Variants in CSMD3 observed in about 807,000 individuals in gnomAD.
CSMD3 encodes CUB and Sushi multiple domains 3.
A neutral mutation model predicts 435.2 loss-of-function variants in CSMD3; 177 were observed. That is an observed-to-expected ratio of 0.41 (90% CI 0.36 to 0.46). The LOEUF is 0.46. Among genes scored for constraint, CSMD3 ranks in the 20% least tolerant of loss-of-function variants. The pLI is 0.34. For synonymous variants in CSMD3, 1,656 were observed against 1,520.5 expected (o/e 1.09, Z -2.07); for missense variants, 4,265 against 4,504.6 (o/e 0.95, Z 1.52).
chr8:112,286,154 T>C (rs1819177147), intron 58 of CSMD3, among the ~76,000 whole-genome samples: 1 of 152,174 alleles, frequency 6.6e-6, no homozygotes, highest in Non-Finnish European at 1.5e-5. Flanking sequence ...TTCTGTATGT[T>C]TCTATATTTT....
At chr8:112,822,772 T>C (rs527685245) in intron 12 of CSMD3, among the ~76,000 whole-genome samples, 5 of 152,162 alleles carry the variant, frequency 3.3e-5, no homozygotes, top group Non-Finnish European at 7.3e-5. Context: ...AGGCTGTTGG[T>C]TTGTCATAAA....
chr8:113,398,162 T>C (rs1015449980), intron 1 of CSMD3, among the ~76,000 whole-genome samples: 4 of 152,220 alleles, frequency 2.6e-5, no homozygotes, highest in East Asian at 1.9e-4. Flanking sequence ...TATTTTCTTG[T>C]AGTAATTTTA....
chr8:113,098,846 C>T lies in CSMD3; in HGVS notation c.827G>A (p.Gly276Glu), dbSNP rs759891256. The change falls in exon 5 of 71, where the codon GGG becomes GAG. Residue 276 changes from glycine to glutamate, a missense_variant. This residue lies in a region of CSMD3 where 731 missense variants were observed against 755.4 expected (regional missense o/e 0.97). Transcript: ENST00000297405. ...DCTWTIVAEP[G>E]DTISLIFTDF... is the part of the protein sequence containing the mutation. ...AGTAAATATGAGTGAAATTGTGTCCCCAGGCTCTGCTACAATGGTCCAAGT... is the reference window on the plus strand; with the variant it reads ...AGTAAATATGAGTGAAATTGTGTCCTCAGGCTCTGCTACAATGGTCCAAGT... The T allele has an allele frequency of 9.9e-6, 16 of 1,612,362 alleles. No individual in the cohort carries two copies. Among genetic ancestry groups the T allele is most frequent in the Middle Eastern group, 1.6e-4 (1 of 6,072 alleles).
intron 16 of CSMD3, among the ~76,000 whole-genome samples, chr8:112,675,594 G>A (rs575112474): frequency 1.7e-4 from 26 of 152,182 alleles, no homozygotes; most frequent in African/African-American, 5.8e-4. Context: ...AGACTCAGAG[G>A]AGAAATAATT....
intron 3 of CSMD3, among the ~76,000 whole-genome samples, chr8:113,278,008 G>T (rs141073794): frequency 6.6e-6 from 1 of 151,894 alleles, no homozygotes; most frequent in Non-Finnish European, 1.5e-5. Flanking sequence ...GATAAATAAA[G>T]ATCATAAATG....
At chr8:112,837,635 C>A (rs1004011093) in intron 11 of CSMD3, among the ~76,000 whole-genome samples, 1 of 151,720 alleles carries the variant, frequency 6.6e-6, no homozygotes, top group Non-Finnish European at 1.5e-5. Context: ...TGTCAATTAT[C>A]TTAAAATAGG....
At chr8:113,284,758 A>C (rs2093634252) in intron 2 of CSMD3, among the ~76,000 whole-genome samples, 1 of 152,104 alleles carries the variant, frequency 6.6e-6, no homozygotes, top group South Asian at 2.1e-4. Context: ...ACTGGTTTTG[A>C]TATTTGTAAA....
At chr8:112,727,234 T>C (rs1352273077) in intron 13 of CSMD3, among the ~76,000 whole-genome samples, 2 of 151,842 alleles carry the variant, frequency 1.3e-5, no homozygotes, top group African/African-American at 4.8e-5. Context: ...AGTTATAAAG[T>C]TCTCAACAAA....
At chr8:113,088,306 T>C (rs1304151161) in intron 5 of CSMD3, among the ~76,000 whole-genome samples, 1 of 151,362 alleles carries the variant, frequency 6.6e-6, no homozygotes, top group Non-Finnish European at 1.5e-5. Flanking sequence ...GTGTGGCAAT[T>C]CCTCAGGGAT....
At position 112,800,255 on chromosome 8, in the gene CSMD3, G is replaced by C. The variant is rs2132330251; in HGVS notation, c.1879C>G (p.Pro627Ala). The change falls in exon 13 of 71, where the codon CCA becomes GCA. Residue 627 changes from proline (P) to alanine (A), a missense_variant. Physicochemically the swap from Pro to Ala is conservative, Grantham distance 27. Around this residue, in one of 3 missense-constraint regions of CSMD3, gnomAD observed 279 missense variants for 369.0 expected, o/e 0.76. Coordinates refer to ENST00000297405, the MANE Select transcript of CSMD3 (RefSeq NM_198123.2). ...VLQVLTGSFV[P>A]DLIVSMSSQM... The stretch of plus-strand genomic sequence containing the variant: ...CTACTCATGCTCACTATCAAGTCTG[G>C]TACAAAGCTTCCAGTCAGCCTAAAA... 1 of 1,611,862 alleles carries C rather than the reference G, an allele frequency of 6.2e-7. No homozygotes were observed. The highest frequency in any genetic ancestry group is 2.2e-5 in the East Asian group (1 of 44,780).
chr8:112,758,369 A>C (rs2077755395), intron 13 of CSMD3, among the ~76,000 whole-genome samples: 1 of 152,064 alleles, frequency 6.6e-6, no homozygotes, highest in African/African-American at 2.4e-5. Context: ...AAAAATTTAA[A>C]AAAGGAAAAA....
chr8:112,736,857 G>T (rs2077196114), intron 13 of CSMD3, among the ~76,000 whole-genome samples: 1 of 151,816 alleles, frequency 6.6e-6, no homozygotes, highest in African/African-American at 2.4e-5. Context: ...AAAATCTCTG[G>T]ATCTATATCA....
intron 13 of CSMD3, among the ~76,000 whole-genome samples, chr8:112,731,286 T>C (rs2077069265): frequency 6.6e-6 from 1 of 152,142 alleles, no homozygotes; most frequent in Non-Finnish European, 1.5e-5. Context: ...CCACAAGTGA[T>C]AGTCATTTTT....
chr8:113,096,629 C>G (rs2131536853), intron 5 of CSMD3, among the ~76,000 whole-genome samples: 1 of 152,090 alleles, frequency 6.6e-6, no homozygotes, highest in East Asian at 1.9e-4. Flanking sequence ...CACATTTCAT[C>G]TAAAGTAAAA....
intron 1 of CSMD3, among the ~76,000 whole-genome samples, chr8:113,343,890 A>AT (rs1378274222): frequency 2.6e-5 from 4 of 152,124 alleles, no homozygotes; most frequent in Admixed American, 2.0e-4. Flanking sequence ...GACTAACGTT[A>AT]TAATCTATCT....
intron 36 of CSMD3, among the ~76,000 whole-genome samples, chr8:112,388,781 C>T (rs1031245278): frequency 6.6e-6 from 1 of 152,102 alleles, no homozygotes; most frequent in Non-Finnish European, 1.5e-5. Flanking sequence ...TTATGATTTA[C>T]GTCCTCGACA....
At chr8:112,271,550 T>C (rs1292701970) in intron 59 of CSMD3, among the ~76,000 whole-genome samples, 4 of 152,064 alleles carry the variant, frequency 2.6e-5, no homozygotes, top group Non-Finnish European at 4.4e-5. Context: ...CTAAAGAACA[T>C]GGATTCTTGA....
At chr8:112,973,119 T>G (rs1370563983) in intron 7 of CSMD3, among the ~76,000 whole-genome samples, 1 of 151,942 alleles carries the variant, frequency 6.6e-6, no homozygotes, top group Non-Finnish European at 1.5e-5. Flanking sequence ...ATCATGCAGT[T>G]TCCCGTGGGT....
chr8:113,293,861 T>A (rs916398304), intron 2 of CSMD3, among the ~76,000 whole-genome samples: 6 of 152,116 alleles, frequency 3.9e-5, no homozygotes, highest in Non-Finnish European at 8.8e-5. Context: ...AGAAATAAAA[T>A]TAATAGATAA....
Sources: allele counts gnomAD v4.1 joint callset (sites outside exome capture counted in the v4.1 genomes callset), GRCh38; gene constraint gnomAD v4.1.1; regional missense constraint gnomAD v4.1.1; transcripts MANE v1.5; gene names NCBI Gene and HGNC (gene_info 2026-07-23, HGNC 2026-07-21).